The following CCDC169 variants were observed in gnomAD, a reference collection of about 807,000 sequenced individuals.
CCDC169 encodes the protein coiled-coil domain-containing protein 169.
CCDC169 carries 30 observed loss-of-function variants against 36.0 expected under a neutral mutation model. The observed-to-expected ratio is 0.83, with a 90% CI of 0.62 to 1.13. The LOEUF (loss-of-function observed/expected upper bound fraction) is 1.13, where lower values mean the gene tolerates loss of function less well. Ranked by LOEUF, CCDC169 falls within the 50% of genes most tolerant of loss-of-function variation. CCDC169 has a pLI of 0.00. For synonymous variants in CCDC169, 85 were observed against 81.5 expected, an observed-to-expected ratio of 1.04 and a Z score of -0.23; for missense variants, 245 against 245.9, an observed-to-expected ratio of 1.00 and a Z score of 0.03.
chr13:36,250,649 G>C (rs1873039119), intron 6 of CCDC169, among the ~76,000 whole-genome samples: 1 of 152,110 alleles, frequency 6.6e-6, no homozygotes, highest in Non-Finnish European at 1.5e-5. Flanking sequence ...TATGTTATGA[G>C]GAATGGCTAA....
chr13:36,236,353 C>T (rs958908397), intron 7 of CCDC169, among the ~76,000 whole-genome samples: 1 of 151,870 alleles, frequency 6.6e-6, no homozygotes, highest in East Asian at 1.9e-4. Flanking sequence ...CCATATGTTA[C>T]GGTCAATTGT....
chr13:36,280,071 T>A, intron 4 of CCDC169: 1 of 142,466 alleles, frequency 7.0e-6, no homozygotes, highest in Non-Finnish European at 1.6e-5. Context: ...ATTTACTAGA[T>A]CTTTATTAAC....
chr13:36,238,887 C>A (rs1262277584), intron 7 of CCDC169, among the ~76,000 whole-genome samples: 1 of 151,846 alleles, frequency 6.6e-6, no homozygotes, highest in African/African-American at 2.4e-5. Context: ...ATAAAAATAA[C>A]AGAAAAGGAA....
At chr13:36,257,828 G>A (rs1339385348) in intron 4 of CCDC169, among the ~76,000 whole-genome samples, 1 of 151,790 alleles carries the variant, frequency 6.6e-6, no homozygotes, top group Non-Finnish European at 1.5e-5. Flanking sequence ...TAAGGGCTCA[G>A]TCATTGTCTT....
At chr13:36,249,377 TG>T (rs745652298) in intron 6 of CCDC169, among the ~76,000 whole-genome samples, 3 of 150,810 alleles carry the variant, frequency 2.0e-5, no homozygotes, top group Non-Finnish European at 4.4e-5. Flanking sequence ...TCAGGGAGGG[TG>T]GGGAGTATTC....
At chr13:36,233,000 A>G (rs1870619217) in intron 7 of CCDC169, among the ~76,000 whole-genome samples, 1 of 152,204 alleles carries the variant, frequency 6.6e-6, no homozygotes, top group Admixed American at 6.5e-5. Context: ...CATACTCAGG[A>G]AAGGCCTGAA....
At chr13:36,228,581 A>G (rs937513322), downstream of CCDC169, among the ~76,000 whole-genome samples, 22 of 151,972 alleles carry the variant, frequency 1.4e-4, no homozygotes, top group Non-Finnish European at 2.9e-4. Flanking sequence ...TTTCTTTGAG[A>G]CAGGGTCTTA....
At chr13:36,288,091 C>T (rs950840282) in intron 2 of CCDC169, among the ~76,000 whole-genome samples, 1 of 152,048 alleles carries the variant, frequency 6.6e-6, no homozygotes, top group Non-Finnish European at 1.5e-5. Flanking sequence ...TCACTGCAAG[C>T]TCCACCTCCC....
intron 7 of CCDC169, among the ~76,000 whole-genome samples, chr13:36,233,206 C>A (rs1010880476): frequency 3.4e-5 from 5 of 147,540 alleles, no homozygotes; most frequent in African/African-American, 1.2e-4. Context: ...ATTAGCTGAC[C>A]CCTAAGCTAA....
At chr13:36,239,966 A>G (rs1156861309) in intron 7 of CCDC169, among the ~76,000 whole-genome samples, 2 of 152,178 alleles carry the variant, frequency 1.3e-5, no homozygotes, top group East Asian at 1.9e-4. Context: ...AAGTTGTATT[A>G]TTAGTTACTG....
intron 2 of CCDC169, among the ~76,000 whole-genome samples, chr13:36,288,203 G>C (rs1324814967): frequency 6.6e-6 from 1 of 151,944 alleles, no homozygotes; most frequent in African/African-American, 2.4e-5. Context: ...AGTAGAGACA[G>C]GGTTTCACCA....
intron 4 of CCDC169, among the ~76,000 whole-genome samples, chr13:36,273,060 T>C (rs1876313273): frequency 6.6e-6 from 1 of 152,236 alleles, no homozygotes; most frequent in Non-Finnish European, 1.5e-5. Context: ...TTTCCTCAAC[T>C]TCTATCAAGT....
intron 4 of CCDC169, chr13:36,282,979 A>C (rs1270246670): frequency 6.5e-6 from 1 of 154,536 alleles, no homozygotes; most frequent in Non-Finnish European, 1.4e-5. Flanking sequence ...CCTGCAATTA[A>C]GAAAAGGCAC....
intron 6 of CCDC169, among the ~76,000 whole-genome samples, chr13:36,253,420 C>CT (rs1873424888): frequency 6.7e-6 from 1 of 149,114 alleles, no homozygotes; most frequent in Non-Finnish European, 1.5e-5. Context: ...CTCACTGCAA[C>CT]CTCTGCCTTC....
chr13:36,284,498 A>G (rs956776186), intron 2 of CCDC169, among the ~76,000 whole-genome samples: 1 of 152,040 alleles, frequency 6.6e-6, no homozygotes, highest in Non-Finnish European at 1.5e-5. Context: ...TATCCTCTTA[A>G]CTCCTAAGCT....
Position 36,295,799 on chromosome 13 carries a change from T to C in CCDC169, c.142A>G (p.Lys48Glu), listed in dbSNP as rs757238832. ...ATACCTTCATTGTCAGTATTGAGTT[T>C]GGCTTCCAGTTCCGTAATCTTGTGT... Reference protein sequence around the residue: ...LRHKITELEAKLNTDNEGSEW... With the variant: ...LRHKITELEAELNTDNEGSEW... The change falls in exon 2 of 8, where the codon AAA becomes GAA. Residue 48 changes from lysine to glutamate, a missense_variant. Lys to Glu is a moderately conservative substitution (Grantham distance 56). Transcript: ENST00000239859. The C allele has an allele frequency of 4.6e-6, 7 of 1,536,118 alleles. No homozygotes were observed. In the South Asian group the frequency reaches 7.2e-5, roughly 16 times the overall value.
At chr13:36,275,272 T>C (rs1278037625) in intron 4 of CCDC169, among the ~76,000 whole-genome samples, 1 of 151,862 alleles carries the variant, frequency 6.6e-6, no homozygotes, top group East Asian at 1.9e-4. Flanking sequence ...GAGAATACAA[T>C]GTAGTTAAGC....
chr13:36,290,634 G>A (rs773002003), intron 2 of CCDC169, among the ~76,000 whole-genome samples: 28 of 152,160 alleles, frequency 1.8e-4, no homozygotes, highest in Non-Finnish European at 2.8e-4. Flanking sequence ...ATATGCTTGT[G>A]TTTTGTACAG....
At chr13:36,227,044 G>T, downstream of CCDC169, 1 of 433,934 alleles carries the variant, frequency 2.3e-6, no homozygotes. Context: ...AGCTCGAGGA[G>T]AGTTGGAAGA....
Sources: allele counts gnomAD v4.1 joint callset (sites outside exome capture counted in the v4.1 genomes callset), GRCh38; gene constraint gnomAD v4.1.1; transcripts MANE v1.5; gene names NCBI Gene and HGNC (gene_info 2026-07-23, HGNC 2026-07-21).